TRPM1: variants seen among roughly 807,000 people sequenced by gnomAD.
TRPM1 encodes the protein transient receptor potential cation channel subfamily M member 1.
A neutral mutation model predicts 149.4 loss-of-function variants in TRPM1; 113 were observed. That is an observed-to-expected ratio of 0.76 (90% CI 0.65 to 0.88). TRPM1 has a LOEUF of 0.88. Ranked by LOEUF, TRPM1 falls within the 40% of genes least tolerant of loss-of-function variation. TRPM1 has a pLI of 0.00. For synonymous variants in TRPM1, 741 were observed against 759.5 expected, an observed-to-expected ratio of 0.98 and a Z score of 0.40; for missense variants, 1,976 against 2,038.7, an observed-to-expected ratio of 0.97 and a Z score of 0.59.
chr15:31,159,676 T>A (rs1485319375), intron 1 of TRPM1, among the ~76,000 whole-genome samples: 2 of 152,208 alleles, frequency 1.3e-5, no homozygotes, highest in Non-Finnish European at 2.9e-5. Flanking sequence ...GAGCCTTTTA[T>A]TTTTTCTATT....
At chr15:31,076,127 C>CA (rs1555425825) in intron 3 of TRPM1, among the ~76,000 whole-genome samples, 1 of 151,632 alleles carries the variant, frequency 6.6e-6, no homozygotes, top group African/African-American at 2.4e-5. Flanking sequence ...TTTCTTACCT[C>CA]GGGGGGCAAT....
intron 15 of TRPM1, 90 bp downstream of exon 15, chr15:31,047,021 G>C: frequency 6.4e-7 from 1 of 1,563,564 alleles, no homozygotes; most frequent in Non-Finnish European, 8.8e-7. Flanking sequence ...CGAAGGGCTT[G>C]GCTCTGAACC....
Position 31,062,703 on chromosome 15 carries a change from C to T in TRPM1, c.966-1G>A, listed in dbSNP as rs760338602. ...CTCCCTGAGGGACTCATTTATTATT[C>T]TGTTCAAAGAAAATGCAAGAGAACA... On this transcript the variant is annotated splice_acceptor_variant, in intron 8 of 27. Coordinates refer to ENST00000256552, the MANE Select transcript of TRPM1 (RefSeq NM_001252024.2). LOFTEE classifies it high-confidence loss of function. 2 of 1,613,684 alleles carry T rather than the reference C, an allele frequency of 1.2e-6. No individual in the cohort carries two copies. Among genetic ancestry groups the T allele is most frequent in the Non-Finnish European group, 1.7e-6 (2 of 1,179,990 alleles).
At chr15:31,049,272 G>T in intron 13 of TRPM1, 103 bp downstream of exon 13, 1 of 1,552,094 alleles carries the variant, frequency 6.4e-7, no homozygotes, top group Non-Finnish European at 8.8e-7. Context: ...GGACCTCCCA[G>T]CTGAAGGAGG....
Position 31,032,943 on chromosome 15 carries a change from G to A in TRPM1, c.2701-3C>T, listed in dbSNP as rs190823090. ...TTGCCTGGTTCTGACATGAGGATCT[G>A]AAAACAAACCCCAAAGAACAATAAA... On this transcript the variant is annotated splice_region_variant and splice_polypyrimidine_tract_variant and intron_variant, in intron 21 of 27. Coordinates refer to ENST00000256552, the MANE Select transcript of TRPM1 (RefSeq NM_001252024.2). The A allele has an allele frequency of 1.3e-5, 21 of 1,614,094 alleles. No homozygotes were observed. The highest frequency in any genetic ancestry group is 1.7e-5 in the Admixed American group (1 of 60,026).
At chr15:31,072,668 A>G (rs71399740) in intron 3 of TRPM1, among the ~76,000 whole-genome samples, 11,330 of 152,074 alleles carry the variant, frequency 0.075, 614 homozygotes, top group Non-Finnish European at 0.11. Context: ...TGATTTCTCC[A>G]TATCCTCTCC....
chr15:31,044,780 CAAAAAA>C (rs58619377), intron 16 of TRPM1, among the ~76,000 whole-genome samples: 2 of 69,532 alleles, frequency 2.9e-5, no homozygotes, highest in South Asian at 4.3e-4. Flanking sequence ...GACTCCTACT[CAAAAAA>C]AAAAAAAAAA....
intron 2 of TRPM1, among the ~76,000 whole-genome samples, chr15:31,077,865 GGT>G (rs1047586728): frequency 6.6e-6 from 1 of 151,772 alleles, no homozygotes; most frequent in Non-Finnish European, 1.5e-5. Flanking sequence ...ACGCATGTGT[GGT>G]GTGTGTTTGT....
At chr15:31,121,037 G>A (rs1567067118) in intron 1 of TRPM1, among the ~76,000 whole-genome samples, 1 of 151,878 alleles carries the variant, frequency 6.6e-6, no homozygotes, top group East Asian at 1.9e-4. Context: ...GACCAGCCTG[G>A]CCAAGATGGT....
Position 31,050,644 on chromosome 15 carries a change from A to G in TRPM1, c.1264-62T>C, listed in dbSNP as rs949386339. 9 of 1,591,006 alleles carry G rather than the reference A, an allele frequency of 5.7e-6. No individual in the cohort carries two copies. The East Asian group carries it at 1.1e-4, about 20-fold the overall frequency. Reference sequence around the variant, plus strand: ...TAAGGCTCTTTCTTGTCCCCAGACCAGCTCATTGACCCTCCCACCTCTGTA... The same window carrying G: ...TAAGGCTCTTTCTTGTCCCCAGACCGGCTCATTGACCCTCCCACCTCTGTA... On this transcript the variant is annotated intron_variant, in intron 11 of 27. Transcript: ENST00000256552.
At chr15:31,017,900 C>G (rs572913857) in intron 27 of TRPM1, among the ~76,000 whole-genome samples, 2 of 152,252 alleles carry the variant, frequency 1.3e-5, no homozygotes, top group Admixed American at 1.3e-4. Flanking sequence ...TGCATAGACT[C>G]TTGTCTATTA....
In TRPM1 at chr15:31,001,298, T is replaced by C. The variant is rs1321903019; in HGVS notation, c.*524A>G. 6.6e-6 allele frequency: 1 copy of C among 152,196 alleles called. No homozygotes were observed. Among genetic ancestry groups the C allele is most frequent in the African/African-American group, 2.4e-5 (1 of 41,430 alleles). 9.4% of individuals were successfully genotyped at this position (152,196 alleles called of 1,614,324 possible). Reference sequence around the variant, plus strand: ...ACCCCTCCCTTTTTTCATGTTTGCTTTCTCTTTAGTTTCTCTTTCTTACAC... The same window carrying C: ...ACCCCTCCCTTTTTTCATGTTTGCTCTCTCTTTAGTTTCTCTTTCTTACAC... On this transcript the variant is annotated 3_prime_UTR_variant, in exon 28 of 28. Coordinates refer to ENST00000256552, the MANE Select transcript of TRPM1 (RefSeq NM_001252024.2).
intron 1 of TRPM1, among the ~76,000 whole-genome samples, chr15:31,126,806 G>A (rs2035957165): frequency 6.6e-6 from 1 of 152,092 alleles, no homozygotes; most frequent in African/African-American, 2.4e-5. Flanking sequence ...TCTACTAAAG[G>A]AAATACAAGA....
At position 31,026,121 on chromosome 15, in the gene TRPM1, T is replaced by C; in HGVS notation, c.3629+18A>G. ...AAACCCTTGGCTCACGGGCCCGCGGTGGGGACGCTACACGTACCTTTCAGA... is the reference window on the plus strand; with the variant it reads ...AAACCCTTGGCTCACGGGCCCGCGGCGGGGACGCTACACGTACCTTTCAGA... On this transcript the variant is annotated intron_variant, in intron 27 of 27. Transcript: ENST00000256552. 1 of 1,609,588 alleles carries C rather than the reference T, an allele frequency of 6.2e-7. No homozygotes were observed. The highest frequency in any genetic ancestry group is 8.5e-7 in the Non-Finnish European group (1 of 1,179,964).
At chr15:31,009,741 T>G (rs141715351) in intron 27 of TRPM1, among the ~76,000 whole-genome samples, 97 of 152,186 alleles carry the variant, frequency 6.4e-4, no homozygotes, top group African/African-American at 2.2e-3. Flanking sequence ...GCCCATTTAC[T>G]CTCTTGTTCA....
Position 31,028,319 on chromosome 15 carries a change from C to G in TRPM1, c.3293+13G>C. 6.2e-7 allele frequency: 1 copy of G among 1,614,110 alleles called. No individual in the cohort carries two copies. ...TAAATAATAAGCATGTGGTCATCGG[C>G]TGTGACACGTACTTGAACACAGCAA... On this transcript the variant is annotated intron_variant, in intron 25 of 27. Transcript: ENST00000256552.
At chr15:31,080,429 C>A (rs568771602) in intron 2 of TRPM1, among the ~76,000 whole-genome samples, 10 of 152,076 alleles carry the variant, frequency 6.6e-5, no homozygotes, top group Non-Finnish European at 1.2e-4. Flanking sequence ...AACAAAAGTG[C>A]CCAAAGTACA....
chr15:31,088,914 C>T (rs375155306), intron 1 of TRPM1, among the ~76,000 whole-genome samples: 5 of 152,084 alleles, frequency 3.3e-5, no homozygotes, highest in African/African-American at 1.2e-4. Context: ...TACCAGAAGT[C>T]TGGTGGCAGA....
At chr15:31,113,477 T>C (rs956293908) in intron 1 of TRPM1, among the ~76,000 whole-genome samples, 5 of 151,416 alleles carry the variant, frequency 3.3e-5, no homozygotes, top group African/African-American at 1.2e-4. Context: ...TAAAAATGGG[T>C]CAAACAATAT....
Sources: allele counts gnomAD v4.1 joint callset (sites outside exome capture counted in the v4.1 genomes callset), GRCh38; gene constraint gnomAD v4.1.1; transcripts MANE v1.5; gene names NCBI Gene and HGNC (gene_info 2026-07-23, HGNC 2026-07-21).